The following TRPM3 variants were observed in gnomAD, a reference collection of about 807,000 sequenced individuals.
The protein encoded by TRPM3 is long transient receptor potential channel 3.
TRPM3 carries 77 observed loss-of-function variants against 181.2 expected under a neutral mutation model. The ratio of observed to expected loss-of-function variants is 0.42; its 90% CI spans 0.35 to 0.51. The LOEUF is 0.51. Ranked by LOEUF, TRPM3 falls within the 20% of genes least tolerant of loss-of-function variation. TRPM3 has a pLI of 0.01. For synonymous variants in TRPM3, 745 were observed against 796.4 expected (o/e 0.94, Z 1.09); for missense variants, 1,759 against 2,196.7 (o/e 0.80, Z 3.98).
intron 1 of TRPM3, among the ~76,000 whole-genome samples, chr9:71,100,008 AGTT>A (rs1019837387): frequency 1.3e-5 from 2 of 152,156 alleles, no homozygotes; most frequent in African/African-American, 4.8e-5. Context: ...CAATGAAAGA[AGTT>A]GTACATGCCT....
intron 1 of TRPM3, among the ~76,000 whole-genome samples, chr9:71,327,060 C>T (rs978039622): frequency 3.3e-5 from 5 of 152,214 alleles, no homozygotes; most frequent in Admixed American, 3.3e-4. Flanking sequence ...GAAAATCCTC[C>T]TCAGTTTCCG....
At chr9:70,846,281 TG>T in intron 4 of TRPM3, 96 bp downstream of exon 4, 1 of 1,141,036 alleles carries the variant, frequency 8.8e-7, no homozygotes, top group Non-Finnish European at 1.3e-6. Flanking sequence ...AGGGATGAAG[TG>T]GGGTGATATA....
intron 8 of TRPM3, among the ~76,000 whole-genome samples, chr9:70,687,039 C>T (rs1018725295): frequency 5.3e-5 from 8 of 151,826 alleles, no homozygotes; most frequent in Non-Finnish European, 7.4e-5. Flanking sequence ...AAGTGATCTG[C>T]CCGTCTTGGC....
intron 8 of TRPM3, among the ~76,000 whole-genome samples, chr9:70,684,490 T>C (rs1436712699): frequency 2.0e-5 from 3 of 152,194 alleles, no homozygotes; most frequent in African/African-American, 7.2e-5. Context: ...TAATCTTGCC[T>C]GGACTAACCT....
Position 70,530,049 on chromosome 9 carries a change from T to G in TRPM3, c.*5904A>C, listed in dbSNP as rs2040674327. 6.6e-6 allele frequency: 1 copy of G among 152,198 alleles called. No individual in the cohort carries two copies. Among genetic ancestry groups the G allele is most frequent in the Admixed American group, 6.5e-5 (1 of 15,272 alleles). 9.4% of individuals were successfully genotyped at this position (152,198 alleles called of 1,614,324 possible). On this transcript the variant is annotated 3_prime_UTR_variant, in exon 26 of 26. Transcript: ENST00000677713. The stretch of plus-strand genomic sequence containing the variant: ...TGTGGGAAGCTGCGGTGAAGATGTG[T>G]AGGACTCTTGAGATTTAGAGAGGCA...
chr9:71,243,561 G>A (rs1588111126), intron 1 of TRPM3, among the ~76,000 whole-genome samples: 1 of 152,272 alleles, frequency 6.6e-6, no homozygotes, highest in South Asian at 2.1e-4. Context: ...TATGAGAGCA[G>A]GAATCTTATC....
intron 1 of TRPM3, among the ~76,000 whole-genome samples, chr9:71,067,638 A>G (rs893453921): frequency 2.0e-5 from 3 of 152,248 alleles, no homozygotes; most frequent in African/African-American, 7.2e-5. Flanking sequence ...AATTAGGAAA[A>G]TCAAATGAGT....
rs767433842 is a variant in TRPM3 at position 70,625,142 on chromosome 9, T to C, written c.1809+49A>G. The stretch of plus-strand genomic sequence containing the variant: ...CAAAGAAGCCACAACCCAAATCCCA[T>C]ACACCCTAGTCCTCCCAGGAAGGGC... On this transcript the variant is annotated intron_variant, in intron 14 of 25. Transcript: ENST00000677713. This position sits in a 1 kb window ranked among gnomAD's most constrained non-coding sequence, Gnocchi z 4.8. 1.6e-5 allele frequency: 25 copies of C among 1,604,526 alleles called. No homozygotes were observed. The highest frequency in any genetic ancestry group is 2.2e-5 in the East Asian group (1 of 44,612).
At chr9:71,130,063 T>C (rs115007845) in intron 1 of TRPM3, among the ~76,000 whole-genome samples, 274 of 152,314 alleles carry the variant, frequency 1.8e-3, no homozygotes, top group African/African-American at 5.7e-3. Context: ...TTTAAACATA[T>C]ACAAACTCAT....
rs1565024370 is a variant in TRPM3, at chr9:71,032,071, ATTATAT to A, written c.177+89101_177+89106del. On this transcript the variant is annotated intron_variant, in intron 1 of 25. Coordinates refer to ENST00000677713, the MANE Select transcript of TRPM3 (RefSeq NM_001366145.2). ...ATATTATATATATTATATATATTAT[ATTATAT>A]TATATATATATAATTATATAATATT... is the stretch of plus-strand genomic sequence containing the variant. Among the ~76,000 whole-genome samples the A allele has an allele frequency of 5.0e-5, 3 of 60,556 alleles. No individual in the cohort carries two copies. The Admixed American group carries it at 9.0e-4, about 18-fold the overall frequency. 39.7% of individuals were successfully genotyped at this position (60,556 alleles called of 152,430 possible). A position where few individuals can be genotyped will look rare whatever the true frequency, so the allele number is the denominator to read the frequency against.
chr9:70,824,150 G>A (rs558103096), intron 6 of TRPM3, among the ~76,000 whole-genome samples: 1 of 152,256 alleles, frequency 6.6e-6, no homozygotes, highest in Admixed American at 6.5e-5. Flanking sequence ...AAGAAAACAG[G>A]CTCGTTGATA....
Position 71,418,773 on chromosome 9 carries a change from T to C in TRPM3, c.183+27880A>G, listed in dbSNP as rs538112867. On this transcript the variant is annotated intron_variant, in intron 1 of 24. Coordinates refer to the TRPM3 transcript ENST00000357533. ...CCTTTGAGATACTATATATATACTA[T>C]ATATAGAGTATATACATCCTTTGAG... Among the ~76,000 whole-genome samples, 5 of 144,034 alleles carry C rather than the reference T, an allele frequency of 3.5e-5. No individual in the cohort carries two copies. In the South Asian group the frequency reaches 8.8e-4, roughly 25 times the overall value. 94.5% of individuals were successfully genotyped at this position (144,034 alleles called of 152,430 possible).
At chr9:70,594,015 C>A (rs550518763) in intron 21 of TRPM3, among the ~76,000 whole-genome samples, 175 of 147,338 alleles carry the variant, frequency 1.2e-3, no homozygotes, top group Non-Finnish European at 2.4e-3. Flanking sequence ...TGTCAGAATA[C>A]CTGGGTTTTC....
rs188240443 is a variant in TRPM3 at position 70,822,228 on chromosome 9, C to T, written c.973+5619G>A. 5.3e-5 allele frequency among the ~76,000 whole-genome samples: 8 copies of T among 152,224 alleles called. 1 individual carries two copies. Among genetic ancestry groups the T allele is most frequent in the Admixed American group, 3.9e-4 (6 of 15,278 alleles). Reference sequence around the variant, plus strand: ...TCTTTATTTCTGCGTGGAATCTCACCGCTTCTCAAAAACTTTGTACAAATT... The same window carrying T: ...TCTTTATTTCTGCGTGGAATCTCACTGCTTCTCAAAAACTTTGTACAAATT... On this transcript the variant is annotated intron_variant, in intron 6 of 25. Coordinates refer to ENST00000677713, the MANE Select transcript of TRPM3 (RefSeq NM_001366145.2).
chr9:70,992,311 A>T (rs1427831982), intron 1 of TRPM3, among the ~76,000 whole-genome samples: 1 of 152,066 alleles, frequency 6.6e-6, no homozygotes, highest in Non-Finnish European at 1.5e-5. Context: ...ATGTGGGACT[A>T]CCTAATTTGC....
chr9:70,602,922 A>T (rs900700248), intron 20 of TRPM3, among the ~76,000 whole-genome samples: 1 of 152,192 alleles, frequency 6.6e-6, no homozygotes, highest in Admixed American at 6.5e-5. Flanking sequence ...CCAATCAGTG[A>T]GTGAAAGCAG....
chr9:70,833,841 T>C (rs1244266085), intron 5 of TRPM3, among the ~76,000 whole-genome samples: 1 of 152,018 alleles, frequency 6.6e-6, no homozygotes, highest in African/African-American at 2.4e-5. Context: ...AATGGCATTG[T>C]GCTTTGGAGA....
At chr9:70,983,063 A>G (rs1223306339) in intron 1 of TRPM3, among the ~76,000 whole-genome samples, 1 of 152,104 alleles carries the variant, frequency 6.6e-6, no homozygotes, top group Non-Finnish European at 1.5e-5. Flanking sequence ...GTGAGTCTGT[A>G]ATCTGTGCCA....
At chr9:70,835,042 G>C (rs2094213422) in intron 5 of TRPM3, among the ~76,000 whole-genome samples, 1 of 152,126 alleles carries the variant, frequency 6.6e-6, no homozygotes, top group African/African-American at 2.4e-5. Flanking sequence ...TGCTCTGTCA[G>C]TGCACATGAG....
Sources: allele counts gnomAD v4.1 joint callset (sites outside exome capture counted in the v4.1 genomes callset), GRCh38; gene constraint gnomAD v4.1.1; non-coding constraint Gnocchi (gnomAD v3.1); transcripts MANE v1.5; gene names NCBI Gene and HGNC (gene_info 2026-07-23, HGNC 2026-07-21).